Variants in ZDHHC13 observed in about 807,000 individuals in gnomAD.
ZDHHC13 encodes palmitoyltransferase ZDHHC13.
Under a neutral mutation model 86.0 loss-of-function variants are expected in ZDHHC13, and 85 were observed. That is an observed-to-expected ratio of 0.99 (90% CI 0.83 to 1.18). The LOEUF (loss-of-function observed/expected upper bound fraction) is 1.18, where lower values mean the gene tolerates loss of function less well. Ranked by LOEUF, ZDHHC13 falls within the 50% of genes most tolerant of loss-of-function variation. The probability of loss-of-function intolerance (pLI) is 0.00; values close to 1 mark genes in which losing one functional copy is unlikely to be tolerated. For synonymous variants in ZDHHC13, 263 were observed against 246.4 expected (o/e 1.07, Z -0.63); for missense variants, 711 against 730.2 (o/e 0.97, Z 0.30).
chr11:19,175,861 T>C lies in ZDHHC13; in HGVS notation c.1770T>C (p.Cys590=), dbSNP rs1850349811. ...AGAACCTGGCAGATTTCTTTCAGTG[T>C]GGCTGCTTTGGCTTGGTGAAGCCCT... The part of the protein sequence containing the change: ...FMQNLADFFQ[C]GCFGLVKPCV... Residue 590 remains cysteine (C), a synonymous_variant, in exon 17 of 17, where the codon TGT becomes TGC. Coordinates refer to ENST00000446113, the MANE Select transcript of ZDHHC13 (RefSeq NM_019028.3). 1.9e-6 allele frequency: 3 copies of C among 1,613,804 alleles called. No individual in the cohort carries two copies. The highest frequency in any genetic ancestry group is 3.3e-5 in the Admixed American group (2 of 59,996).
chr11:19,169,936 T>C, intron 14 of ZDHHC13: 5 of 988,538 alleles, frequency 5.1e-6, no homozygotes, highest in Non-Finnish European at 6.0e-6. Context: ...GCTCCCTGCA[T>C]GCTATTAGAT....
upstream of ZDHHC13, chr11:19,117,145 G>C (rs1004450220): frequency 7.7e-5 from 100 of 1,291,508 alleles, no homozygotes; most frequent in Non-Finnish European, 1.0e-4. This position sits in a 1 kb window ranked among gnomAD's most constrained non-coding sequence, Gnocchi z 4.2. Context: ...GCGGAGGTGA[G>C]GGCGCCAGCA....
intron 8 of ZDHHC13, among the ~76,000 whole-genome samples, chr11:19,154,593 C>T (rs1849706183): frequency 6.6e-6 from 1 of 152,184 alleles, no homozygotes; most frequent in Admixed American, 6.5e-5. Flanking sequence ...AGCTTCAATT[C>T]AGTCAGACCA....
At chr11:19,133,415 A>G (rs1446055503) in intron 1 of ZDHHC13, among the ~76,000 whole-genome samples, 1 of 152,030 alleles carries the variant, frequency 6.6e-6, no homozygotes, top group Non-Finnish European at 1.5e-5. Flanking sequence ...ACATATATAT[A>G]TATATACCTA....
At chr11:19,171,850 A>G in intron 15 of ZDHHC13, among the ~76,000 whole-genome samples, 1 of 152,200 alleles carries the variant, frequency 6.6e-6, no homozygotes, top group East Asian at 1.9e-4. Context: ...GAACAAAACA[A>G]TCCAGTTCTT....
chr11:19,170,669 C>A, intron 15 of ZDHHC13, 101 bp downstream of exon 15: 1 of 1,139,482 alleles, frequency 8.8e-7, no homozygotes, highest in Non-Finnish European at 1.2e-6. Flanking sequence ...TCTGTTTTTA[C>A]CTCTGTCACT....
In ZDHHC13 at chr11:19,149,913, T is replaced by C. The variant is rs111999090; in HGVS notation, c.519+582T>C. ...CCTGTAAAAGGCATGAAAACGTGTTTGCACAAATGCTGTTGGAATGATTGT... is the reference window on the plus strand; with the variant it reads ...CCTGTAAAAGGCATGAAAACGTGTTCGCACAAATGCTGTTGGAATGATTGT... On this transcript the variant is annotated intron_variant, in intron 5 of 16. Coordinates refer to ENST00000446113, the MANE Select transcript of ZDHHC13 (RefSeq NM_019028.3). Among the ~76,000 whole-genome samples, 1,147 of 152,350 alleles carry C rather than the reference T, an allele frequency of 7.5e-3. 18 individuals carry two copies. The highest frequency in any genetic ancestry group is 0.026 in the African/African-American group (1,091 of 41,590).
At chr11:19,135,514 C>G (rs905124940) in intron 1 of ZDHHC13, among the ~76,000 whole-genome samples, 3 of 152,244 alleles carry the variant, frequency 2.0e-5, no homozygotes, top group Non-Finnish European at 4.4e-5. Flanking sequence ...CCGCCATTGC[C>G]CAGGCTTGCT....
chr11:19,142,705 G>T (rs1849354675), intron 1 of ZDHHC13, among the ~76,000 whole-genome samples: 1 of 151,722 alleles, frequency 6.6e-6, no homozygotes, highest in African/African-American at 2.4e-5. Context: ...ACAGAATTAA[G>T]ATAAAGAAAA....
In ZDHHC13 at chr11:19,164,368, G is replaced by A. The variant is rs1189346924; in HGVS notation, c.1296+5G>A. On this transcript the variant is annotated splice_donor_5th_base_variant and intron_variant, in intron 12 of 16. Coordinates refer to ENST00000446113, the MANE Select transcript of ZDHHC13 (RefSeq NM_019028.3). Reference sequence around the variant, plus strand: ...ACATTTTGTACATCATGTCTTGTGAGTTTTTTCATATAATTTTTTTCCGTA... The same window carrying A: ...ACATTTTGTACATCATGTCTTGTGAATTTTTTCATATAATTTTTTTCCGTA... The A allele has an allele frequency of 6.2e-6, 10 of 1,612,066 alleles. No individual in the cohort carries two copies. Among genetic ancestry groups the A allele is most frequent in the African/African-American group, 2.7e-5 (2 of 74,870 alleles).
In ZDHHC13 at chr11:19,152,153, G is replaced by C. The variant is rs79650403; in HGVS notation, c.585-5G>C. 1,951 of 1,610,232 alleles carry C rather than the reference G, an allele frequency of 1.2e-3. 20 individuals are homozygous for C. The African/African-American group carries it at 0.024, about 20-fold the overall frequency. On this transcript the variant is annotated splice_region_variant and splice_polypyrimidine_tract_variant and intron_variant, in intron 6 of 16. Coordinates refer to ENST00000446113, the MANE Select transcript of ZDHHC13 (RefSeq NM_019028.3). ...GCCTCTTGGTATTTTATTATTTTGA[G>C]ACAGGCCAGAACCAACTGGATTTCT...
intron 13 of ZDHHC13, among the ~76,000 whole-genome samples, chr11:19,165,771 G>A (rs1255274014): frequency 6.6e-6 from 1 of 152,182 alleles, no homozygotes; most frequent in East Asian, 1.9e-4. Flanking sequence ...ATATTCAGAG[G>A]TGGTGCTTTT....
chr11:19,137,005 G>C (rs994346368), intron 1 of ZDHHC13, among the ~76,000 whole-genome samples: 16 of 151,994 alleles, frequency 1.1e-4, no homozygotes, highest in Admixed American at 2.0e-4. Flanking sequence ...GAAACTGCAT[G>C]AACTAACGAG....
intron 16 of ZDHHC13, among the ~76,000 whole-genome samples, chr11:19,174,887 G>A (rs2133493049): frequency 6.6e-6 from 1 of 152,324 alleles, no homozygotes; most frequent in South Asian, 2.1e-4. Flanking sequence ...AGAGGAGCTA[G>A]AACTAGAGGG....
chr11:19,147,334 T>C (rs530218320), intron 3 of ZDHHC13, among the ~76,000 whole-genome samples: 45 of 152,148 alleles, frequency 3.0e-4, no homozygotes, highest in South Asian at 6.2e-4. Flanking sequence ...AGAGTAGTTA[T>C]GATGTATTTG....
At chr11:19,140,508 C>T (rs368055573) in intron 1 of ZDHHC13, among the ~76,000 whole-genome samples, 21 of 152,112 alleles carry the variant, frequency 1.4e-4, no homozygotes, top group South Asian at 2.1e-4. Context: ...GTCAGTGTGG[C>T]GATTCCTCAG....
intron 1 of ZDHHC13, among the ~76,000 whole-genome samples, chr11:19,133,408 T>C (rs11025030): frequency 5.5e-4 from 80 of 145,786 alleles, no homozygotes; most frequent in South Asian, 1.8e-3. Flanking sequence ...CACACACACA[T>C]ATATATATAT....
rs764106374 is a variant in ZDHHC13 at position 19,164,358 on chromosome 11, T to C, written c.1291T>C (p.Cys431Arg). The change falls in exon 12 of 17, where the codon TGT becomes CGT. Residue 431 changes from cysteine (C) to arginine (R), a missense_variant. By Grantham distance (180) the Cys-to-Arg change is radical (BLOSUM62 -3). Coordinates refer to ENST00000446113, the MANE Select transcript of ZDHHC13 (RefSeq NM_019028.3). Reference protein sequence around the residue: ...SLDFRTFCTSCLIRKPLRSLH... With the variant: ...SLDFRTFCTSRLIRKPLRSLH... Reference sequence around the variant, plus strand: ...GGACTTCAGAACATTTTGTACATCATGTCTTGTGAGTTTTTTCATATAATT... The same window carrying C: ...GGACTTCAGAACATTTTGTACATCACGTCTTGTGAGTTTTTTCATATAATT... The C allele has an allele frequency of 6.2e-7, 1 of 1,612,884 alleles. No individual in the cohort carries two copies. The highest frequency in any genetic ancestry group is 8.5e-7 in the Non-Finnish European group (1 of 1,179,338).
chr11:19,161,020 C>T (rs1055806363), intron 10 of ZDHHC13, among the ~76,000 whole-genome samples: 3 of 151,906 alleles, frequency 2.0e-5, no homozygotes, highest in Non-Finnish European at 2.9e-5. Context: ...GAACCTGCTA[C>T]TTGTGAGGGC....
Sources: allele counts gnomAD v4.1 joint callset (sites outside exome capture counted in the v4.1 genomes callset), GRCh38; gene constraint gnomAD v4.1.1; non-coding constraint Gnocchi (gnomAD v3.1); transcripts MANE v1.5; gene names NCBI Gene and HGNC (gene_info 2026-07-23, HGNC 2026-07-21).